The following NCKAP1L variants were observed in gnomAD, a reference collection of about 807,000 sequenced individuals.
NCKAP1L encodes nck-associated protein 1-like.
A neutral mutation model predicts 139.2 loss-of-function variants in NCKAP1L; 53 were observed. The ratio of observed to expected loss-of-function variants is 0.38; its 90% CI spans 0.31 to 0.48. The LOEUF is 0.48. Among genes scored for constraint, NCKAP1L ranks in the 20% least tolerant of loss-of-function variants. The pLI, the probability that NCKAP1L is intolerant of heterozygous loss-of-function variation, is 0.98. For synonymous variants in NCKAP1L, 468 were observed against 499.7 expected, an observed-to-expected ratio of 0.94 and a Z score of 0.85; for missense variants, 1,151 against 1,381.9, an observed-to-expected ratio of 0.83 and a Z score of 2.65.
At chr12:54,518,069 G>T (rs566587849) in intron 13 of NCKAP1L, 131 bp downstream of exon 13, 2 of 1,041,350 alleles carry the variant, frequency 1.9e-6, no homozygotes, top group Admixed American at 2.1e-5. Context: ...GGCTGGGCGC[G>T]GTGGCTCACG....
chr12:54,519,498 G>C (rs553371878), intron 16 of NCKAP1L, among the ~76,000 whole-genome samples, 166 bp downstream of exon 16: 23 of 142,420 alleles, frequency 1.6e-4, no homozygotes, highest in Non-Finnish European at 2.8e-4. Flanking sequence ...TGAACTCCTG[G>C]CCTCAAGCAA....
chr12:54,535,224 T>G (rs770422258), intron 27 of NCKAP1L, 27 bp downstream of exon 27: 1 of 1,577,886 alleles, frequency 6.3e-7, no homozygotes, highest in Admixed American at 1.7e-5. Flanking sequence ...GGGGCGAGAT[T>G]TGGGAAAGGA....
Position 54,509,957 on chromosome 12 carries a change from C to T in NCKAP1L, c.707C>T (p.Ala236Val). 6.2e-7 allele frequency: 1 copy of T among 1,614,222 alleles called. No individual in the cohort carries two copies. The highest frequency in any genetic ancestry group is 8.5e-7 in the Non-Finnish European group (1 of 1,180,032). The change falls in exon 7 of 31, where the codon GCC becomes GTC. Residue 236 changes from alanine (A) to valine (V), a missense_variant. Physicochemically the swap from Ala to Val is moderately conservative, Grantham distance 64. Transcript: ENST00000293373. ...QLLSLISNPP[A>V]MINPANSDTM... Reference sequence around the variant, plus strand: ...CTAAGCCTCATCAGCAACCCCCCAGCCATGATTAACCCTGCTAATTCAGAT... The same window carrying T: ...CTAAGCCTCATCAGCAACCCCCCAGTCATGATTAACCCTGCTAATTCAGAT...
Position 54,521,130 on chromosome 12 carries a change from C to G in NCKAP1L, c.1770C>G (p.Leu590=). ...CCTCTTTCCCATAGTACCCCCACCT[C>G]AAGAACCATGGTCTTCACCACTGCA... ...HEMCPEEYPH[L]KNHGLHHCNS... Residue 590 remains leucine, a synonymous_variant, in exon 18 of 31, where the codon CTC becomes CTG. Transcript: ENST00000293373. 1 of 1,614,092 alleles carries G rather than the reference C, an allele frequency of 6.2e-7. No homozygotes were observed. Among genetic ancestry groups the G allele is most frequent in the Admixed American group, 1.7e-5 (1 of 60,016 alleles).
chr12:54,513,924 A>G (rs1956908349), intron 9 of NCKAP1L, among the ~76,000 whole-genome samples: 1 of 151,830 alleles, frequency 6.6e-6, no homozygotes, highest in Non-Finnish European at 1.5e-5. Context: ...GTGGAAGTTG[A>G]CTACACTATC....
intron 20 of NCKAP1L, among the ~76,000 whole-genome samples, chr12:54,525,200 G>A (rs1042072977): frequency 6.6e-6 from 1 of 152,278 alleles, no homozygotes; most frequent in Middle Eastern, 3.4e-3. Context: ...GGGAGCCTTG[G>A]CAGGTTTTGT....
chr12:54,540,150 T>G (rs1019852320), intron 30 of NCKAP1L, among the ~76,000 whole-genome samples: 24 of 152,176 alleles, frequency 1.6e-4, no homozygotes, highest in Admixed American at 1.5e-3. Context: ...TATACTAGTT[T>G]GTTAGCTTGA....
Position 54,543,040 on chromosome 12 carries a change from C to G in NCKAP1L, c.*355C>G, listed in dbSNP as rs1957172612. 4.9e-6 allele frequency: 1 copy of G among 204,342 alleles called. No individual in the cohort carries two copies. Among genetic ancestry groups the G allele is most frequent in the African/African-American group, 2.3e-5 (1 of 43,638 alleles). 12.7% of individuals were successfully genotyped at this position (204,342 alleles called of 1,614,324 possible). ...GGCCTCTCCGACCTTCATCACTATT[C>G]TTAGGATAATGCTGGCGGGCAGAGA... On this transcript the variant is annotated 3_prime_UTR_variant, in exon 31 of 31. Transcript: ENST00000293373.
At chr12:54,501,228 G>T (rs2120869342) in intron 3 of NCKAP1L, among the ~76,000 whole-genome samples, 1 of 152,174 alleles carries the variant, frequency 6.6e-6, no homozygotes, top group African/African-American at 2.4e-5. Flanking sequence ...TTTGTGGCTG[G>T]CTTATTTCAT....
chr12:54,508,743 T>G (rs1956862495), intron 5 of NCKAP1L, among the ~76,000 whole-genome samples: 2 of 152,206 alleles, frequency 1.3e-5, no homozygotes, highest in Non-Finnish European at 2.9e-5. Flanking sequence ...ATACATGGAT[T>G]TTTTTCAACC....
At chr12:54,506,943 C>T (rs1956846157) in intron 3 of NCKAP1L, among the ~76,000 whole-genome samples, 1 of 150,482 alleles carries the variant, frequency 6.6e-6, no homozygotes, top group African/African-American at 2.4e-5. Context: ...TGTGGTATAC[C>T]ATGGGCTATT....
At chr12:54,531,234 C>G (rs758311025) in intron 22 of NCKAP1L, 26 bp from the exon 23 acceptor site, 14 of 1,582,882 alleles carry the variant, frequency 8.8e-6, no homozygotes, top group African/African-American at 1.3e-5. Flanking sequence ...TGAGTCCCAT[C>G]TGGGGCCTCT....
intron 18 of NCKAP1L, among the ~76,000 whole-genome samples, chr12:54,522,408 C>T (rs887940506): frequency 6.6e-6 from 1 of 152,172 alleles, no homozygotes; most frequent in Non-Finnish European, 1.5e-5. Flanking sequence ...AAACATGATG[C>T]GAATAATTTT....
rs1956930804 is a variant in NCKAP1L at position 54,516,300 on chromosome 12, A to C, written c.998+5A>C. 1 of 1,613,672 alleles carries C rather than the reference A, an allele frequency of 6.2e-7. No individual in the cohort carries two copies. The highest frequency in any genetic ancestry group is 1.3e-5 in the African/African-American group (1 of 75,026). ...GGAACATGTAATTGCAAACAGGTAA[A>C]GGGTGGTGAATGCACTCTCTGAGAG... On this transcript the variant is annotated splice_donor_5th_base_variant and intron_variant, in intron 10 of 30. Transcript: ENST00000293373.
chr12:54,517,285 C>T (rs1956941209), intron 11 of NCKAP1L, among the ~76,000 whole-genome samples: 1 of 152,054 alleles, frequency 6.6e-6, no homozygotes, highest in Non-Finnish European at 1.5e-5. Context: ...CATAAATGCC[C>T]AGTAAATATT....
rs1957177870 is a variant in NCKAP1L at position 54,543,757 on chromosome 12, A to C, written c.*1072A>C. ...CTGGGGGCTTTCAAGATAGCACTAA[A>C]CTAGGTTTACTTAACTCCTTGGCAG... On this transcript the variant is annotated 3_prime_UTR_variant, in exon 31 of 31. Coordinates refer to ENST00000293373, the MANE Select transcript of NCKAP1L (RefSeq NM_005337.5). 1 of 152,196 alleles carries C rather than the reference A, an allele frequency of 6.6e-6. No homozygotes were observed. The highest frequency in any genetic ancestry group is 1.5e-5 in the Non-Finnish European group (1 of 68,030). 9.4% of individuals were successfully genotyped at this position (152,196 alleles called of 1,614,324 possible).
At chr12:54,522,492 G>A (rs1259574737) in intron 18 of NCKAP1L, among the ~76,000 whole-genome samples, 1 of 152,188 alleles carries the variant, frequency 6.6e-6, no homozygotes, top group Admixed American at 6.5e-5. Context: ...ATAATTACTG[G>A]CATTGCCATT....
At chr12:54,534,864 CTG>C (rs926316785) in intron 26 of NCKAP1L, among the ~76,000 whole-genome samples, 3 of 152,124 alleles carry the variant, frequency 2.0e-5, no homozygotes, top group African/African-American at 7.2e-5. Flanking sequence ...TAGCTGGACA[CTG>C]TGGCTCATGC....
chr12:54,511,700 C>T, intron 7 of NCKAP1L, 103 bp from the exon 8 acceptor site: 2 of 1,296,710 alleles, frequency 1.5e-6, no homozygotes, highest in Non-Finnish European at 2.2e-6. Flanking sequence ...AGCCACCACC[C>T]CTTGCCAAAA....
Sources: gnomAD v4.1 joint callset for allele counts (sites outside exome capture counted in the v4.1 genomes callset) on GRCh38, gnomAD v4.1.1 for gene constraint, MANE v1.5 for transcripts, NCBI Gene and HGNC (gene_info 2026-07-23, HGNC 2026-07-21) for gene names.